The following TMEM117 variants were observed in gnomAD, a reference collection of about 807,000 sequenced individuals.
TMEM117 encodes the protein transmembrane protein 117.
TMEM117 carries 27 observed loss-of-function variants against 52.4 expected under a neutral mutation model. That is an observed-to-expected ratio of 0.51 (90% confidence interval 0.38 to 0.71). The LOEUF (loss-of-function observed/expected upper bound fraction) is 0.71, where lower values mean the gene tolerates loss of function less well. Among genes scored for constraint, TMEM117 ranks in the 30% least tolerant of loss-of-function variants. The pLI is 0.00. For synonymous variants in TMEM117, 215 were observed against 206.3 expected (o/e 1.04, Z -0.36); for missense variants, 556 against 630.5 (o/e 0.88, Z 1.26).
intron 2 of TMEM117, among the ~76,000 whole-genome samples, chr12:43,929,566 A>G (rs867219840): frequency 3.9e-5 from 6 of 152,168 alleles, no homozygotes; most frequent in African/African-American, 1.2e-4. Flanking sequence ...ATACTTAAGT[A>G]TACAGTTTTG....
At chr12:44,046,588 C>T (rs1179630336) in intron 3 of TMEM117, among the ~76,000 whole-genome samples, 1 of 152,096 alleles carries the variant, frequency 6.6e-6, no homozygotes, top group African/African-American at 2.4e-5. Context: ...CACGACCTGC[C>T]AAGGTGCTTG....
chr12:44,120,913 A>G lies in TMEM117; in HGVS notation c.411-22612A>G, dbSNP rs534727633. ...AAGATTTTATGAAGATGTCTTTATTAGTCCATTTTCATGCTGCTGATAAAG... is the reference window on the plus strand; with the variant it reads ...AAGATTTTATGAAGATGTCTTTATTGGTCCATTTTCATGCTGCTGATAAAG... On this transcript the variant is annotated intron_variant, in intron 3 of 7. Transcript: ENST00000266534. Among the ~76,000 whole-genome samples the G allele has an allele frequency of 2.6e-5, 4 of 152,350 alleles. No homozygotes were observed. In the South Asian group the frequency reaches 8.3e-4, roughly 32 times the overall value.
intron 4 of TMEM117, among the ~76,000 whole-genome samples, chr12:44,166,253 A>T (rs1016452499): frequency 3.9e-5 from 6 of 152,180 alleles, no homozygotes; most frequent in African/African-American, 7.2e-5. Flanking sequence ...AGCAATAAAT[A>T]CCTACGTCAA....
intron 3 of TMEM117, among the ~76,000 whole-genome samples, chr12:44,088,579 C>T (rs1425700353): frequency 6.6e-6 from 1 of 152,156 alleles, no homozygotes; most frequent in African/African-American, 2.4e-5. Context: ...CTGATGTCTC[C>T]ATTTAGATTA....
intron 6 of TMEM117, among the ~76,000 whole-genome samples, chr12:44,357,031 C>T (rs1424373785): frequency 1.3e-5 from 2 of 152,138 alleles, no homozygotes; most frequent in Non-Finnish European, 2.9e-5. Context: ...TCCCTATCAC[C>T]CAGATTCAGC....
At chr12:43,933,572 C>CT (rs201762774) in intron 2 of TMEM117, among the ~76,000 whole-genome samples, 2,506 of 151,496 alleles carry the variant, frequency 0.017, 53 homozygotes, top group African/African-American at 0.056. Flanking sequence ...ACAGAATTTC[C>CT]TTTTTTTATT....
At chr12:44,090,849 GT>G (rs541939145) in intron 3 of TMEM117, among the ~76,000 whole-genome samples, 61 of 101,642 alleles carry the variant, frequency 6.0e-4, no homozygotes, top group East Asian at 1.8e-3. Flanking sequence ...GTTTTTTTTT[GT>G]TTTTTTTTTT....
chr12:43,895,959 G>A (rs1035680967), intron 2 of TMEM117, among the ~76,000 whole-genome samples: 1 of 152,026 alleles, frequency 6.6e-6, no homozygotes, highest in Non-Finnish European at 1.5e-5. Context: ...ATTTTCTCCT[G>A]CCTGCTTTAT....
rs531385582 is a variant in TMEM117 at position 43,879,792 on chromosome 12, C to A, written c.277+34864C>A. Among the ~76,000 whole-genome samples, 7 of 152,300 alleles carry A rather than the reference C, an allele frequency of 4.6e-5. No individual in the cohort carries two copies. The South Asian group carries it at 1.4e-3, about 32-fold the overall frequency. ...GCCTTTGGAGTAATCTATCTCCAGG[C>A]CTTCCTGTGTTATCTTGAATAATTG... On this transcript the variant is annotated intron_variant, in intron 2 of 7. Coordinates refer to ENST00000266534, the MANE Select transcript of TMEM117 (RefSeq NM_032256.3).
chr12:44,198,935 T>G (rs1206402898), intron 4 of TMEM117, among the ~76,000 whole-genome samples: 1 of 152,196 alleles, frequency 6.6e-6, no homozygotes, highest in South Asian at 2.1e-4. Flanking sequence ...ATGATGATGT[T>G]GGGAGAAACT....
At chr12:43,921,934 A>G (rs1944701163) in intron 2 of TMEM117, among the ~76,000 whole-genome samples, 1 of 152,064 alleles carries the variant, frequency 6.6e-6, no homozygotes, top group Non-Finnish European at 1.5e-5. Flanking sequence ...AATTATTACC[A>G]GGTGTCCCAA....
At chr12:44,080,239 A>G (rs989257929) in intron 3 of TMEM117, among the ~76,000 whole-genome samples, 2 of 152,134 alleles carry the variant, frequency 1.3e-5, no homozygotes, top group African/African-American at 4.8e-5. Context: ...ACAGTTCAGC[A>G]TGGCTGAGGA....
intron 3 of TMEM117, among the ~76,000 whole-genome samples, chr12:44,115,905 T>A (rs907608222): frequency 4.6e-5 from 7 of 152,234 alleles, no homozygotes; most frequent in African/African-American, 1.7e-4. Flanking sequence ...AACACGATCG[T>A]GTCTTTCTCA....
At chr12:44,137,705 C>T (rs57462004) in intron 3 of TMEM117, among the ~76,000 whole-genome samples, 4,636 of 152,140 alleles carry the variant, frequency 0.03, 158 homozygotes, top group African/African-American at 0.083. Flanking sequence ...TATTTAAAAC[C>T]ATCAGATCTC....
intron 3 of TMEM117, among the ~76,000 whole-genome samples, chr12:44,102,177 G>A (rs1375715384): frequency 2.0e-5 from 3 of 151,992 alleles, no homozygotes; most frequent in African/African-American, 7.2e-5. Context: ...CTAGAGGACA[G>A]ACTTAGACCA....
chr12:44,288,015 G>T (rs1950658253), intron 5 of TMEM117, among the ~76,000 whole-genome samples: 1 of 152,172 alleles, frequency 6.6e-6, no homozygotes, highest in Non-Finnish European at 1.5e-5. Flanking sequence ...CTGCATGGCA[G>T]TTTTACAGAA....
chr12:44,213,370 A>G (rs976386092), intron 5 of TMEM117, among the ~76,000 whole-genome samples: 3 of 152,210 alleles, frequency 2.0e-5, no homozygotes, highest in African/African-American at 4.8e-5. Context: ...GTGCTAAAGA[A>G]GAACATACAG....
At chr12:44,152,351 T>A (rs1312529760) in intron 4 of TMEM117, among the ~76,000 whole-genome samples, 6 of 111,756 alleles carry the variant, frequency 5.4e-5, no homozygotes, top group African/African-American at 1.9e-4. Context: ...TAAATTTATA[T>A]ATTTATATGT....
At chr12:44,342,458 G>T (rs1951430573) in intron 6 of TMEM117, among the ~76,000 whole-genome samples, 1 of 152,084 alleles carries the variant, frequency 6.6e-6, no homozygotes, top group African/African-American at 2.4e-5. Flanking sequence ...GAAAGTGAAT[G>T]TTTAATACCC....
Sources: allele counts gnomAD v4.1 joint callset (sites outside exome capture counted in the v4.1 genomes callset), GRCh38; gene constraint gnomAD v4.1.1; transcripts MANE v1.5; gene names NCBI Gene and HGNC (gene_info 2026-07-23, HGNC 2026-07-21).